The following LOC128092252 variants were observed in gnomAD, a reference collection of about 807,000 sequenced individuals.
the LOC128092252 span, among the ~76,000 whole-genome samples, chr15:50,671,058 T>C: frequency 6.6e-6 from 1 of 152,180 alleles, no homozygotes; most frequent in Non-Finnish European, 1.5e-5. Context: ...TACTATTTTT[T>C]TGTGGTGAGA....
chr15:50,651,984 AC>A, the LOC128092252 span, among the ~76,000 whole-genome samples: 1 of 152,048 alleles, frequency 6.6e-6, no homozygotes. Context: ...TACCTTAAAA[AC>A]TAAAAATAAC....
At chr15:50,678,425 ACT>A in the LOC128092252 span, among the ~76,000 whole-genome samples, 33 of 150,008 alleles carry the variant, frequency 2.2e-4, no homozygotes, top group African/African-American at 8.1e-4. Flanking sequence ...ATAAGCTGGC[ACT>A]CTCTGACTTC....
chr15:50,653,360 G>A, the LOC128092252 span, among the ~76,000 whole-genome samples: 2 of 152,166 alleles, frequency 1.3e-5, no homozygotes, highest in African/African-American at 4.8e-5. Flanking sequence ...ACTAGGAAAG[G>A]AGGAAACTTC....
At chr15:50,650,772 G>A in the LOC128092252 span, among the ~76,000 whole-genome samples, 1 of 152,024 alleles carries the variant, frequency 6.6e-6, no homozygotes, top group African/African-American at 2.4e-5. Context: ...AGACCTGAAA[G>A]GATCAAACTG....
chr15:50,677,756 A>AC, the LOC128092252 span, among the ~76,000 whole-genome samples: 384 of 150,398 alleles, frequency 2.6e-3, no homozygotes, highest in Non-Finnish European at 4.4e-3. Context: ...AAAAAAAAAA[A>AC]AAAACAAAAG....
At chr15:50,657,810 T>C in the LOC128092252 span, 1 of 1,611,834 alleles carries the variant, frequency 6.2e-7, no homozygotes, top group Non-Finnish European at 8.5e-7. Flanking sequence ...TTTGACATCC[T>C]GGAAGGCATC....
At chr15:50,682,251 A>C in the LOC128092252 span, among the ~76,000 whole-genome samples, 2 of 151,170 alleles carry the variant, frequency 1.3e-5, no homozygotes, top group African/African-American at 4.9e-5. Context: ...ACTTCAAAAA[A>C]CTGCTTACCT....
chr15:50,665,507 T>A, the LOC128092252 span, among the ~76,000 whole-genome samples: 1 of 151,964 alleles, frequency 6.6e-6, no homozygotes, highest in East Asian at 1.9e-4. Context: ...ATTAACATAA[T>A]GTAAATAAAA....
chr15:50,652,603 A>T, the LOC128092252 span, among the ~76,000 whole-genome samples: 1 of 151,666 alleles, frequency 6.6e-6, no homozygotes, highest in Non-Finnish European at 1.5e-5. Context: ...GGTGAATTTC[A>T]TCAAACATTT....
chr15:50,663,196 T>C, the LOC128092252 span: 3 of 612,348 alleles, frequency 4.9e-6, no homozygotes, highest in African/African-American at 3.7e-5. Context: ...TGGTGTGATC[T>C]TGGCTCACCA....
the LOC128092252 span, chr15:50,663,072 G>A: frequency 6.5e-7 from 1 of 1,549,230 alleles, no homozygotes; most frequent in Non-Finnish European, 8.9e-7. Flanking sequence ...TTAAAGAATT[G>A]TTTATAAGTT....
At chr15:50,653,958 C>G in the LOC128092252 span, among the ~76,000 whole-genome samples, 1 of 151,952 alleles carries the variant, frequency 6.6e-6, no homozygotes, top group African/African-American at 2.4e-5. Context: ...CAATTGAGAA[C>G]ACAAAAAAGC....
At chr15:50,666,313 G>GC in the LOC128092252 span, among the ~76,000 whole-genome samples, 1 of 151,814 alleles carries the variant, frequency 6.6e-6, no homozygotes, top group Admixed American at 6.6e-5. Context: ...GATGGCACGT[G>GC]CCTGTAGACC....
At chr15:50,679,971 C>T in the LOC128092252 span, among the ~76,000 whole-genome samples, 1 of 151,946 alleles carries the variant, frequency 6.6e-6, no homozygotes. Context: ...CGGTGGCTCA[C>T]GCTTGTAATC....
the LOC128092252 span, among the ~76,000 whole-genome samples, chr15:50,652,521 G>C: frequency 9.5e-6 from 1 of 105,806 alleles, no homozygotes; most frequent in Non-Finnish European, 2.1e-5. Flanking sequence ...GCAAGACTCT[G>C]TCTCAAAAAA....
chr15:50,655,825 A>T, the LOC128092252 span, among the ~76,000 whole-genome samples: 14 of 151,892 alleles, frequency 9.2e-5, no homozygotes, highest in Non-Finnish European at 2.1e-4. Flanking sequence ...CCCCATCTAT[A>T]CTAAAAGTAC....
the LOC128092252 span, among the ~76,000 whole-genome samples, chr15:50,659,187 C>T: frequency 2.8e-5 from 4 of 144,418 alleles, no homozygotes; most frequent in East Asian, 2.0e-4. Flanking sequence ...AGCGAGACTC[C>T]GTCTCAAAAA....
At chr15:50,656,123 G>A in the LOC128092252 span, among the ~76,000 whole-genome samples, 2 of 152,150 alleles carry the variant, frequency 1.3e-5, no homozygotes, top group Admixed American at 1.3e-4. Context: ...AGACCAAACT[G>A]AGAAAATTCA....
chr15:50,669,987 T>A, the LOC128092252 span, among the ~76,000 whole-genome samples: 1 of 152,218 alleles, frequency 6.6e-6, no homozygotes, highest in Non-Finnish European at 1.5e-5. Context: ...TGTATAGGAA[T>A]GCAGGATAAG....
Sources: gnomAD v4.1 joint callset for allele counts (sites outside exome capture counted in the v4.1 genomes callset) on GRCh38, gnomAD v4.1.1 for gene constraint, MANE v1.5 for transcripts.